Variants in EDNRB observed in about 807,000 individuals in gnomAD.
EDNRB encodes endothelin receptor type B.
EDNRB carries 18 observed loss-of-function variants against 46.4 expected under a neutral mutation model. The observed-to-expected ratio is 0.39, with a 90% CI of 0.27 to 0.57. The LOEUF (loss-of-function observed/expected upper bound fraction) is 0.57. EDNRB is among the 20% of genes least tolerant of loss of function. EDNRB has a pLI of 0.61. For missense variants in EDNRB, 434 were observed against 537.5 expected (o/e 0.81, Z 1.90); for synonymous variants, 213 against 204.9 (o/e 1.04, Z -0.34).
intron 1 of EDNRB, chr13:77,939,737 C>G (rs1209610869): frequency 6.6e-6 from 1 of 152,162 alleles, no homozygotes; most frequent in Non-Finnish European, 1.5e-5. Flanking sequence ...GTGGCTCATG[C>G]CTGTAATCCC....
upstream of EDNRB, among the ~76,000 whole-genome samples, chr13:77,923,597 G>T (rs1461990449): frequency 6.6e-6 from 1 of 152,102 alleles, no homozygotes; most frequent in African/African-American, 2.4e-5. Flanking sequence ...AATTTATAAT[G>T]AGTTTATGTA....
rs376400789 is a variant in EDNRB, at chr13:77,956,421, C to A, written c.-52+18926G>T. 3.7e-4 allele frequency among the ~76,000 whole-genome samples: 56 copies of A among 152,146 alleles called. 1 individual carries two copies. The highest frequency in any genetic ancestry group is 1.3e-3 in the African/African-American group (55 of 41,522). ...CATCCCATCGCTTTTTTTGTAGATA[C>A]TTTGGAGCTTTGTACATACAAGATC... On this transcript the variant is annotated intron_variant, in intron 1 of 7. Transcript: ENST00000646948.
At chr13:77,933,401 C>T (rs1880459678) in intron 1 of EDNRB, among the ~76,000 whole-genome samples, 6 of 152,106 alleles carry the variant, frequency 3.9e-5, no homozygotes. Context: ...GGGGGTTGTT[C>T]TCTGGCGGGC....
At chr13:77,910,829 A>G (rs894557838) in intron 1 of EDNRB, among the ~76,000 whole-genome samples, 2 of 152,044 alleles carry the variant, frequency 1.3e-5, no homozygotes, top group Non-Finnish European at 2.9e-5. Context: ...ACAGCTCTGG[A>G]AAGATTCCTC....
chr13:77,932,085 A>T (rs1785015198), intron 1 of EDNRB, among the ~76,000 whole-genome samples: 1 of 151,280 alleles, frequency 6.6e-6, no homozygotes, highest in Admixed American at 6.6e-5. Flanking sequence ...GCCAGTTGAG[A>T]CTAGGTTAGG....
At chr13:77,959,937 A>C (rs542306622) in intron 1 of EDNRB, among the ~76,000 whole-genome samples, 132 of 152,394 alleles carry the variant, frequency 8.7e-4, no homozygotes, top group Non-Finnish European at 1.6e-3. Context: ...AAAGGGTATC[A>C]GTGATTGAAG....
intron 1 of EDNRB, among the ~76,000 whole-genome samples, chr13:77,955,908 T>C (rs1881225664): frequency 3.3e-5 from 5 of 151,884 alleles, no homozygotes; most frequent in Admixed American, 2.6e-4. Flanking sequence ...TTTATGCCAG[T>C]ACCATACTGT....
chr13:77,923,175 CTT>C (rs1880134505), upstream of EDNRB, among the ~76,000 whole-genome samples: 2 of 152,218 alleles, frequency 1.3e-5, no homozygotes, highest in Admixed American at 1.3e-4. Flanking sequence ...AGGATACATT[CTT>C]TTTTTCTGAG....
At chr13:77,973,535 T>A (rs12720124) in intron 1 of EDNRB, among the ~76,000 whole-genome samples, 37,720 of 146,354 alleles carry the variant, frequency 0.26, 5,838 homozygotes, top group East Asian at 0.55. Flanking sequence ...TACACACAGA[T>A]TTTTTTTTTC....
intron 3 of EDNRB, 92 bp from the exon 4 acceptor site, chr13:77,901,299 T>C (rs138785424): frequency 7.4e-7 from 1 of 1,342,806 alleles, no homozygotes; most frequent in African/African-American, 1.5e-5. Context: ...CATCAGGGAA[T>C]GATTATCTTC....
intron 1 of EDNRB, among the ~76,000 whole-genome samples, chr13:77,962,987 CAG>C (rs897295185): frequency 1.3e-5 from 2 of 151,524 alleles, no homozygotes; most frequent in Admixed American, 6.6e-5. Flanking sequence ...AACAGACAAA[CAG>C]AGCCAAATCA....
At chr13:77,929,764 C>G (rs1358254061) in intron 1 of EDNRB, among the ~76,000 whole-genome samples, 1 of 152,154 alleles carries the variant, frequency 6.6e-6, no homozygotes, top group African/African-American at 2.4e-5. Context: ...GACTCCTGGC[C>G]ATTTACCTAC....
chr13:77,952,065 A>T (rs1455731452), intron 1 of EDNRB, among the ~76,000 whole-genome samples: 3 of 152,162 alleles, frequency 2.0e-5, no homozygotes, highest in Admixed American at 2.0e-4. Flanking sequence ...GTTGCAGGGA[A>T]GAGGTCCCGA....
upstream of EDNRB, chr13:77,919,365 A>G (rs1879992827): frequency 6.3e-7 from 1 of 1,592,252 alleles, no homozygotes; most frequent in Non-Finnish European, 8.6e-7. Context: ...TCAATCAATG[A>G]TTTTAATTCA....
chr13:77,945,665 G>A (rs571123544), intron 1 of EDNRB, among the ~76,000 whole-genome samples: 24 of 152,080 alleles, frequency 1.6e-4, no homozygotes, highest in Non-Finnish European at 2.5e-4. Flanking sequence ...TTGTACTTAC[G>A]GAAGGCTTAA....
At chr13:77,945,930 A>G (rs1365163248) in intron 1 of EDNRB, among the ~76,000 whole-genome samples, 1 of 151,758 alleles carries the variant, frequency 6.6e-6, no homozygotes. Context: ...CAAAGCAGGT[A>G]TCTGAATCAG....
chr13:77,959,971 G>T (rs560564672), intron 1 of EDNRB, among the ~76,000 whole-genome samples: 51 of 152,182 alleles, frequency 3.4e-4, no homozygotes, highest in Non-Finnish European at 6.9e-4. Context: ...AATGAAGTGA[G>T]AAGATAAGTT....
chr13:77,961,230 G>C (rs1017556017), intron 1 of EDNRB, among the ~76,000 whole-genome samples: 1 of 151,324 alleles, frequency 6.6e-6, no homozygotes, highest in African/African-American at 2.4e-5. Flanking sequence ...CCCAAATCAA[G>C]AGAATATACT....
At chr13:77,947,125 A>G (rs1397584271) in intron 1 of EDNRB, among the ~76,000 whole-genome samples, 1 of 152,150 alleles carries the variant, frequency 6.6e-6, no homozygotes, top group Non-Finnish European at 1.5e-5. Flanking sequence ...TAAACTGGGG[A>G]CTTATTTGAG....
Sources: allele counts gnomAD v4.1 joint callset (sites outside exome capture counted in the v4.1 genomes callset), GRCh38; gene constraint gnomAD v4.1.1; transcripts MANE v1.5; gene names NCBI Gene and HGNC (gene_info 2026-07-23, HGNC 2026-07-21).